The following DCC variants were observed in gnomAD, a reference collection of about 807,000 sequenced individuals.
DCC encodes the protein netrin receptor DCC.
Under a neutral mutation model 172.5 loss-of-function variants are expected in DCC, and 58 were observed. The ratio of observed to expected loss-of-function variants is 0.34; its 90% CI spans 0.27 to 0.42. DCC has a LOEUF of 0.42. Among genes scored for constraint, DCC ranks in the 10% least tolerant of loss-of-function variants. The pLI is 1.00. For missense variants in DCC, 1,740 were observed against 1,791.0 expected, an observed-to-expected ratio of 0.97 and a Z score of 0.51; for synonymous variants, 709 against 644.5, an observed-to-expected ratio of 1.10 and a Z score of -1.52.
intron 2 of DCC, among the ~76,000 whole-genome samples, chr18:52,876,927 T>C (rs2039412159): frequency 6.6e-6 from 1 of 152,206 alleles, no homozygotes; most frequent in African/African-American, 2.4e-5. Context: ...TGTTGCTAGA[T>C]TTACCAAATA....
chr18:52,532,502 A>G (rs151229981), intron 1 of DCC, among the ~76,000 whole-genome samples: 234 of 152,292 alleles, frequency 1.5e-3, no homozygotes, highest in African/African-American at 5.5e-3. Context: ...TTTCTCCACA[A>G]GGCAAATGAC....
At position 52,894,226 on chromosome 18, in the gene DCC, A is replaced by G. The variant is rs1400914296; in HGVS notation, c.413-11818A>G. ...TCCACCAGCATCTTTCATTTTTGTC[A>G]CAGTGCGCTATGCTATATATTTGCC... On this transcript the variant is annotated intron_variant, in intron 2 of 28. Transcript: ENST00000442544. Among the ~76,000 whole-genome samples the G allele has an allele frequency of 2.0e-5, 3 of 152,026 alleles. No homozygotes were observed. In the East Asian group the frequency reaches 5.8e-4, roughly 29 times the overall value.
chr18:52,771,919 C>T (rs1176701232), intron 2 of DCC, among the ~76,000 whole-genome samples: 1 of 150,192 alleles, frequency 6.7e-6, no homozygotes, highest in Non-Finnish European at 1.5e-5. Flanking sequence ...GGTGTTCTAT[C>T]TCAGTGAGGC....
intron 25 of DCC, 24 bp downstream of exon 25, chr18:53,468,034 T>A (rs1370111413): frequency 4.7e-6 from 5 of 1,063,676 alleles, no homozygotes; most frequent in Non-Finnish European, 7.4e-6. Context: ...GGTGCCACAA[T>A]GAAGAAATGA....
chr18:52,589,457 T>TCCTTCCCTGAAGGCATATGG (rs2033750367), intron 1 of DCC, among the ~76,000 whole-genome samples: 2 of 152,198 alleles, frequency 1.3e-5, no homozygotes, highest in African/African-American at 4.8e-5. Context: ...CTTTGGATAT[T>TCCTTCCCTGAAGGCATATGG]ATCAGGGTAG....
intron 22 of DCC, among the ~76,000 whole-genome samples, chr18:53,436,268 T>A (rs1417225311): frequency 1.3e-5 from 2 of 152,214 alleles, no homozygotes; most frequent in Non-Finnish European, 1.5e-5. Flanking sequence ...TGAAGATGTA[T>A]CCATGTGTTT....
intron 5 of DCC, among the ~76,000 whole-genome samples, chr18:52,948,029 A>G (rs1359816059): frequency 6.6e-6 from 1 of 152,208 alleles, no homozygotes; most frequent in Admixed American, 6.5e-5. Flanking sequence ...CAAAACACAG[A>G]AAGATGTATA....
At chr18:53,160,183 C>T (rs1598860358) in intron 8 of DCC, among the ~76,000 whole-genome samples, 1 of 152,094 alleles carries the variant, frequency 6.6e-6, no homozygotes, top group African/African-American at 2.4e-5. Flanking sequence ...AGCATCAATC[C>T]TCTATACCCC....
At chr18:53,212,935 G>T (rs2055780924) in intron 11 of DCC, among the ~76,000 whole-genome samples, 1 of 152,070 alleles carries the variant, frequency 6.6e-6, no homozygotes, top group Non-Finnish European at 1.5e-5. Flanking sequence ...GGCTCCCAAA[G>T]TGCTGGGATT....
chr18:52,681,706 T>C (rs117499630), intron 1 of DCC, among the ~76,000 whole-genome samples: 3,059 of 152,196 alleles, frequency 0.02, 48 homozygotes, highest in Middle Eastern at 0.065. Context: ...AGTTCACTAG[T>C]AGAGAATGTA....
intron 1 of DCC, among the ~76,000 whole-genome samples, chr18:52,401,567 A>G (rs113504727): frequency 3.9e-5 from 6 of 152,160 alleles, no homozygotes; most frequent in African/African-American, 1.4e-4. Context: ...ATGTAGAGCA[A>G]AGGAACAGTG....
intron 5 of DCC, among the ~76,000 whole-genome samples, chr18:52,955,210 A>T (rs2040722647): frequency 6.6e-6 from 1 of 151,870 alleles, no homozygotes; most frequent in Non-Finnish European, 1.5e-5. Context: ...TGCTCTCCCT[A>T]TTCATCCCTT....
intron 5 of DCC, among the ~76,000 whole-genome samples, chr18:52,958,767 GAC>G (rs1568211492): frequency 1.3e-5 from 2 of 152,140 alleles, no homozygotes; most frequent in East Asian, 3.9e-4. Context: ...AAGGAGGAGA[GAC>G]ATGTTGTCGG....
chr18:53,283,273 G>A (rs1028513255), intron 12 of DCC, among the ~76,000 whole-genome samples: 3 of 152,102 alleles, frequency 2.0e-5, no homozygotes, highest in Non-Finnish European at 4.4e-5. Flanking sequence ...ATAAAATAGG[G>A]ATAGTCAAGA....
At chr18:53,387,165 T>C (rs1908225116) in intron 16 of DCC, among the ~76,000 whole-genome samples, 1 of 152,196 alleles carries the variant, frequency 6.6e-6, no homozygotes. Flanking sequence ...AATAGTGGAA[T>C]CCCGTGGCTT....
intron 3 of DCC, among the ~76,000 whole-genome samples, chr18:52,910,679 T>G (rs1172267519): frequency 3.3e-5 from 5 of 152,118 alleles, no homozygotes; most frequent in African/African-American, 1.2e-4. Context: ...TAAATCTGCT[T>G]TGGGCACTAG....
chr18:53,078,856 C>T (rs1226554973), intron 7 of DCC, among the ~76,000 whole-genome samples: 2 of 151,990 alleles, frequency 1.3e-5, no homozygotes, highest in Admixed American at 1.3e-4. Context: ...TTAAAATGCC[C>T]CATCCTCAAA....
At chr18:52,564,027 T>C (rs1270829118) in intron 1 of DCC, among the ~76,000 whole-genome samples, 1 of 152,186 alleles carries the variant, frequency 6.6e-6, no homozygotes, top group Non-Finnish European at 1.5e-5. Context: ...ATGTTGCTGG[T>C]TGTTACATTT....
intron 7 of DCC, among the ~76,000 whole-genome samples, chr18:53,120,555 G>T (rs1032557739): frequency 1.3e-5 from 2 of 151,702 alleles, no homozygotes; most frequent in African/African-American, 4.8e-5. Flanking sequence ...GAACAAAACT[G>T]TTTGAATTTA....
Sources: allele counts gnomAD v4.1 joint callset (sites outside exome capture counted in the v4.1 genomes callset), GRCh38; gene constraint gnomAD v4.1.1; transcripts MANE v1.5; gene names NCBI Gene and HGNC (gene_info 2026-07-23, HGNC 2026-07-21).